Variants in GPNMB observed in about 807,000 individuals in gnomAD.
The protein encoded by GPNMB is glycoprotein nmb.
GPNMB carries 71 observed loss-of-function variants against 57.3 expected under a neutral mutation model. The observed-to-expected ratio is 1.24, with a 90% CI of 1.02 to 1.51. The LOEUF (loss-of-function observed/expected upper bound fraction) is 1.51, where lower values mean the gene tolerates loss of function less well. Among genes scored for constraint, GPNMB ranks in the 40% most tolerant of loss-of-function variants. GPNMB has a pLI of 0.00. For missense variants in GPNMB, 677 were observed against 691.9 expected (o/e 0.98, Z 0.24); for synonymous variants, 253 against 263.2 (o/e 0.96, Z 0.38).
intron 1 of GPNMB, among the ~76,000 whole-genome samples, chr7:23,250,452 A>G (rs747046569): frequency 1.2e-4 from 19 of 152,118 alleles, no homozygotes; most frequent in Non-Finnish European, 2.5e-4. Context: ...AAATCAAGCC[A>G]GGCACTGTAG....
rs113033025 is a variant in GPNMB, at chr7:23,260,417, T to C, written c.701-39T>C. ...AAGCCCTCCACTTACAATCAAGCAA[T>C]CATGCATTCTTTATTTCTTTGGGGG... On this transcript the variant is annotated intron_variant, in intron 5 of 10. Coordinates refer to ENST00000258733, the MANE Select transcript of GPNMB (RefSeq NM_002510.3). 9.2e-4 allele frequency: 1,340 copies of C among 1,462,856 alleles called. 13 individuals carry two copies. The African/African-American group carries it at 0.015, about 16-fold the overall frequency. 90.6% of individuals were successfully genotyped at this position (1,462,856 alleles called of 1,614,324 possible). A position where few individuals can be genotyped will look rare whatever the true frequency, so the allele number is the denominator to read the frequency against.
Position 23,256,894 on chromosome 7 carries a change from G to C in GPNMB, c.370G>C (p.Ala124Pro), listed in dbSNP as rs774172804. ...IVYEKNCRNE[A>P]GLSADPYVYN... ...GGCTGGTTTCTATCTCTGTTTAGAG[G>C]CTGGTTTATCTGCTGATCCGTATGT... Residue 124 changes from alanine to proline, a missense_variant and splice_region_variant, in exon 4 of 11, where the codon GCT becomes CCT. By Grantham distance (27) the Ala-to-Pro change is conservative. Coordinates refer to ENST00000258733, the MANE Select transcript of GPNMB (RefSeq NM_002510.3). 12 of 1,613,516 alleles carry C rather than the reference G, an allele frequency of 7.4e-6. No homozygotes were observed. Among genetic ancestry groups the C allele is most frequent in the Non-Finnish European group, 1.0e-5 (12 of 1,179,546 alleles).
chr7:23,267,523 C>G lies in GPNMB; in HGVS notation c.1118-363C>G, dbSNP rs541716092. The stretch of plus-strand genomic sequence containing the variant: ...AAACCAACAGCAGGAATTTATTTCT[C>G]GTAGTTCTAAAGGCTGGGAAGTCCA... On this transcript the variant is annotated intron_variant, in intron 7 of 10. Transcript: ENST00000258733. Among the ~76,000 whole-genome samples the G allele has an allele frequency of 1.6e-4, 25 of 152,224 alleles. No homozygotes were observed. The South Asian group carries it at 4.8e-3, about 29-fold the overall frequency.
intron 10 of GPNMB, 117 bp downstream of exon 10, chr7:23,273,731 G>A (rs1054057763): frequency 7.2e-6 from 5 of 691,942 alleles, no homozygotes; most frequent in South Asian, 1.8e-5. Flanking sequence ...TGTAGGGGAG[G>A]AAAATATTAC....
chr7:23,269,382 G>C (rs941803040), intron 8 of GPNMB, among the ~76,000 whole-genome samples: 11 of 151,996 alleles, frequency 7.2e-5, no homozygotes, highest in Non-Finnish European at 1.3e-4. Flanking sequence ...GCAAAACTCT[G>C]TCTCAAAACA....
At chr7:23,271,376 A>G (rs890917341) in intron 9 of GPNMB, among the ~76,000 whole-genome samples, 2 of 152,226 alleles carry the variant, frequency 1.3e-5, no homozygotes, top group Non-Finnish European at 2.9e-5. Flanking sequence ...TAATTGGAGT[A>G]TTGTCAGGTA....
chr7:23,255,380 T>A (rs1161845183), intron 3 of GPNMB, among the ~76,000 whole-genome samples: 1 of 152,224 alleles, frequency 6.6e-6, no homozygotes, highest in East Asian at 1.9e-4. Flanking sequence ...TCCATCCATG[T>A]TGCTGCAAAC....
intron 6 of GPNMB, among the ~76,000 whole-genome samples, chr7:23,263,035 T>C (rs1484829131): frequency 7.0e-6 from 1 of 142,248 alleles, no homozygotes; most frequent in Non-Finnish European, 1.5e-5. Flanking sequence ...GGAGAAGCAA[T>C]TTTTTTTATC....
chr7:23,264,425 TGCA>T (rs1380079042), intron 6 of GPNMB, among the ~76,000 whole-genome samples: 2 of 152,238 alleles, frequency 1.3e-5, no homozygotes, highest in Non-Finnish European at 2.9e-5. Context: ...CAGGCTGGAG[TGCA>T]GTAGTGCAAT....
chr7:23,247,826 C>T (rs919779311), intron 1 of GPNMB: 1 of 152,250 alleles, frequency 6.6e-6, no homozygotes, highest in African/African-American at 2.4e-5. Context: ...AAAGGAAGTC[C>T]CATCACAGGG....
chr7:23,260,147 T>C lies in GPNMB; in HGVS notation c.700+9T>C. On this transcript the variant is annotated intron_variant, in intron 5 of 10. Coordinates refer to ENST00000258733, the MANE Select transcript of GPNMB (RefSeq NM_002510.3). ...TGTGTACGTGGTAACAGGTGAGTGG[T>C]GTGAACTCTAACTGAGGATGAGGCA... 2 of 1,613,222 alleles carry C rather than the reference T, an allele frequency of 1.2e-6. No homozygotes were observed. Among genetic ancestry groups the C allele is most frequent in the Non-Finnish European group, 1.7e-6 (2 of 1,179,278 alleles).
chr7:23,253,701 G>T (rs1782711304), intron 2 of GPNMB, among the ~76,000 whole-genome samples: 1 of 152,168 alleles, frequency 6.6e-6, no homozygotes, highest in South Asian at 2.1e-4. Context: ...CTTTTGAAGG[G>T]TGAGCAGATT....
At position 23,255,415 on chromosome 7, in the gene GPNMB, C is replaced by T. The variant is rs184953856; in HGVS notation, c.367+1103C>T. On this transcript the variant is annotated intron_variant, in intron 3 of 10. Coordinates refer to ENST00000258733, the MANE Select transcript of GPNMB (RefSeq NM_002510.3). Reference sequence around the variant, plus strand: ...CGATGGGATTTAATTCTTTTTATGACTGAGTAATATTCCATCACATTTTCT... The same window carrying T: ...CGATGGGATTTAATTCTTTTTATGATTGAGTAATATTCCATCACATTTTCT... Among the ~76,000 whole-genome samples the T allele has an allele frequency of 2.2e-3, 342 of 152,300 alleles. 5 individuals are homozygous for T. The highest frequency in any genetic ancestry group is 0.018 in the South Asian group (87 of 4,824).
intron 6 of GPNMB, among the ~76,000 whole-genome samples, chr7:23,264,011 G>A (rs1260325602): frequency 6.6e-6 from 1 of 151,532 alleles, no homozygotes; most frequent in East Asian, 1.9e-4. Context: ...GAGGGCAGAT[G>A]CATGTGTGCT....
chr7:23,253,325 G>A lies in GPNMB; in HGVS notation c.89G>A (p.Gly30Asp). 1 of 1,613,660 alleles carries A rather than the reference G, an allele frequency of 6.2e-7. No homozygotes were observed. The highest frequency in any genetic ancestry group is 8.5e-7 in the Non-Finnish European group (1 of 1,179,706). Residue 30 changes from glycine to aspartate, a missense_variant, in exon 2 of 11, where the codon GGC (glycine) becomes GAC (aspartate). Physicochemically the swap from Gly to Asp is moderately conservative, Grantham distance 94. Coordinates refer to ENST00000258733, the MANE Select transcript of GPNMB (RefSeq NM_002510.3). ...DAAKRFHDVL[G>D]NERPSAYMRE... The stretch of plus-strand genomic sequence containing the variant: ...GATACAGGATTTCATGATGTGCTGG[G>A]CAATGAAAGACCTTCTGCTTACATG...
Position 23,275,056 on chromosome 7 carries a change from A to C in GPNMB, c.*832A>C, listed in dbSNP as rs1434158000. The C allele has an allele frequency of 6.6e-6, 1 of 152,112 alleles. No individual in the cohort carries two copies. The highest frequency in any genetic ancestry group is 2.4e-5 in the African/African-American group (1 of 41,424). 9.4% of individuals were successfully genotyped at this position (152,112 alleles called of 1,614,324 possible). Reference sequence around the variant, plus strand: ...ACTAAAACCATCTACTATATGTTAGACATGACATTCTTTTTCTCTCCTTCC... The same window carrying C: ...ACTAAAACCATCTACTATATGTTAGCCATGACATTCTTTTTCTCTCCTTCC... On this transcript the variant is annotated 3_prime_UTR_variant, in exon 11 of 11. Transcript: ENST00000258733.
In GPNMB at chr7:23,274,111, G is replaced by A; in HGVS notation, c.1570G>A (p.Val524Ile). Reference sequence around the variant, plus strand: ...AATAGAAAATAGTCCTGGGAATGTGGTCAGAAGCAAAGGCCTGAGTGTCTT... The same window carrying A: ...AATAGAAAATAGTCCTGGGAATGTGATCAGAAGCAAAGGCCTGAGTGTCTT... ...NPIENSPGNV[V>I]RSKGLSVFLN... The change falls in exon 11 of 11, where the codon GTC (valine) becomes ATC (isoleucine). Residue 524 changes from valine (V) to isoleucine (I), a missense_variant. Val to Ile is a conservative substitution (Grantham distance 29, BLOSUM62 3). Transcript: ENST00000258733. The A allele has an allele frequency of 6.2e-7, 1 of 1,613,224 alleles. No individual in the cohort carries two copies.
chr7:23,273,963 A>T, intron 10 of GPNMB, 102 bp from the exon 11 acceptor site: 1 of 866,944 alleles, frequency 1.2e-6, no homozygotes, highest in Non-Finnish European at 1.8e-6. Context: ...ATCATGTTAA[A>T]TGGAATGAAT....
chr7:23,262,416 T>G (rs2128483387), intron 6 of GPNMB, among the ~76,000 whole-genome samples: 1 of 152,144 alleles, frequency 6.6e-6, no homozygotes, highest in Non-Finnish European at 1.5e-5. Flanking sequence ...ACATAAGGTT[T>G]GTTTTGGTTG....
Sources: gnomAD v4.1 joint callset for allele counts (sites outside exome capture counted in the v4.1 genomes callset) on GRCh38, gnomAD v4.1.1 for gene constraint, MANE v1.5 for transcripts, NCBI Gene and HGNC (gene_info 2026-07-23, HGNC 2026-07-21) for gene names.